Variants in NELL1 observed in about 807,000 individuals in gnomAD.
NELL1 encodes neural EGFL like 1.
Under a neutral mutation model 107.4 loss-of-function variants are expected in NELL1, and 76 were observed. The observed-to-expected ratio is 0.71, with a 90% CI of 0.59 to 0.86. The LOEUF (loss-of-function observed/expected upper bound fraction) is 0.86, where lower values mean the gene tolerates loss of function less well. Among genes scored for constraint, NELL1 ranks in the 40% least tolerant of loss-of-function variants. NELL1 has a pLI of 0.00. For missense variants in NELL1, 1,024 were observed against 1,005.5 expected (o/e 1.02, Z -0.25); for synonymous variants, 353 against 341.2 (o/e 1.03, Z -0.38).
At chr11:21,406,800 C>T (rs187069094) in intron 15 of NELL1, among the ~76,000 whole-genome samples, 7 of 152,028 alleles carry the variant, frequency 4.6e-5, no homozygotes, top group Admixed American at 1.3e-4. Flanking sequence ...TATCCCTCAC[C>T]TCAAATATGT....
intron 15 of NELL1, among the ~76,000 whole-genome samples, chr11:21,427,394 A>G (rs1241968153): frequency 2.6e-5 from 4 of 152,214 alleles, no homozygotes; most frequent in South Asian, 2.1e-4. Context: ...TCTTTGTTGT[A>G]TATTTGCTGA....
At chr11:21,329,079 A>G (rs1470061744) in intron 14 of NELL1, among the ~76,000 whole-genome samples, 2 of 152,166 alleles carry the variant, frequency 1.3e-5, no homozygotes, top group Non-Finnish European at 2.9e-5. Context: ...GTTACAAAAC[A>G]TGAGAACTTG....
rs935776121 is a variant in NELL1, at chr11:21,112,525, C to T, written c.1301-1064C>T. ...TTCTGAATTCAAATCCCAGGTCTAGCGTGTTCTAACAGGATGACTTTATGC... is the reference window on the plus strand; with the variant it reads ...TTCTGAATTCAAATCCCAGGTCTAGTGTGTTCTAACAGGATGACTTTATGC... On this transcript the variant is annotated intron_variant, in intron 12 of 19. Coordinates refer to ENST00000357134, the MANE Select transcript of NELL1 (RefSeq NM_006157.5). Among the ~76,000 whole-genome samples the T allele has an allele frequency of 2.0e-5, 3 of 151,910 alleles. No individual in the cohort carries two copies. In the East Asian group the frequency reaches 5.8e-4, roughly 29 times the overall value.
rs1337491294 is a variant in NELL1, at chr11:20,755,559, T to TTTTTTTA, written c.185-28119_185-28118insTTTTATT. ...GTTTTTGTTTTTTTTTGTTTTTGTT[T>TTTTTTTA]TTGTTTTTTTTTTTTTGAGACAGAA... On this transcript the variant is annotated intron_variant, in intron 2 of 19. Transcript: ENST00000357134. Among the ~76,000 whole-genome samples, 22 of 17,678 alleles carry TTTTTTTA rather than the reference T, an allele frequency of 1.2e-3. No individual in the cohort carries two copies. The East Asian group carries it at 0.026, about 21-fold the overall frequency. The allele number at this position is 17,678 out of a possible 152,430, so 11.6% of individuals were successfully genotyped here.
chr11:20,692,834 G>T (rs1247841842), intron 2 of NELL1, among the ~76,000 whole-genome samples: 3 of 151,990 alleles, frequency 2.0e-5, no homozygotes, highest in African/African-American at 4.8e-5. Context: ...CAATTCCCGG[G>T]TATACTTGTT....
intron 12 of NELL1, among the ~76,000 whole-genome samples, chr11:20,973,152 A>G (rs1489041559): frequency 1.7e-5 from 2 of 120,090 alleles, no homozygotes; most frequent in Non-Finnish European, 3.2e-5. Context: ...CTTGTTGCCC[A>G]GGCTGGAGTG....
At chr11:20,902,188 A>G (rs1377769845) in intron 5 of NELL1, among the ~76,000 whole-genome samples, 3 of 152,088 alleles carry the variant, frequency 2.0e-5, no homozygotes, top group Non-Finnish European at 4.4e-5. Context: ...AATTCTAAAA[A>G]GTGTGACAAT....
chr11:20,828,109 G>A (rs1857924300), intron 3 of NELL1, among the ~76,000 whole-genome samples: 1 of 151,238 alleles, frequency 6.6e-6, no homozygotes, highest in Non-Finnish European at 1.5e-5. Flanking sequence ...CTTACTGGTT[G>A]TATTTTCTTG....
chr11:20,916,478 G>A (rs968483709), intron 5 of NELL1, among the ~76,000 whole-genome samples: 1 of 151,944 alleles, frequency 6.6e-6, no homozygotes, highest in Non-Finnish European at 1.5e-5. Flanking sequence ...GTTTTGGAAA[G>A]GTATTTAACA....
intron 2 of NELL1, among the ~76,000 whole-genome samples, chr11:20,692,227 A>G (rs1279884667): frequency 6.6e-6 from 1 of 151,824 alleles, no homozygotes; most frequent in Non-Finnish European, 1.5e-5. Context: ...GATCCTTTCA[A>G]AAAACCAGCT....
intron 5 of NELL1, among the ~76,000 whole-genome samples, chr11:20,910,191 C>T (rs369335747): frequency 6.6e-5 from 10 of 152,256 alleles, no homozygotes; most frequent in African/African-American, 2.4e-4. Flanking sequence ...ATCTAACAGG[C>T]CAGCCTGGGC....
At chr11:20,953,601 G>A (rs559938379) in intron 11 of NELL1, among the ~76,000 whole-genome samples, 5 of 152,228 alleles carry the variant, frequency 3.3e-5, no homozygotes, top group East Asian at 1.9e-4. Context: ...AACAGAGCTC[G>A]ATACAGGACC....
At chr11:21,259,467 T>C (rs535143429) in intron 14 of NELL1, among the ~76,000 whole-genome samples, 29 of 151,998 alleles carry the variant, frequency 1.9e-4, no homozygotes, top group African/African-American at 6.3e-4. Context: ...ATACAATTTT[T>C]CAGCCTTTTG....
At chr11:21,152,759 T>C (rs1466726295) in intron 13 of NELL1, among the ~76,000 whole-genome samples, 1 of 152,188 alleles carries the variant, frequency 6.6e-6, no homozygotes, top group Non-Finnish European at 1.5e-5. Flanking sequence ...ATTTTTTTTC[T>C]TTCTAAGAAT....
intron 15 of NELL1, among the ~76,000 whole-genome samples, chr11:21,419,816 A>T (rs891445022): frequency 2.0e-5 from 3 of 152,146 alleles, no homozygotes; most frequent in African/African-American, 7.2e-5. Context: ...GTTTAGGAGA[A>T]ATTTGTCTTT....
intron 15 of NELL1, among the ~76,000 whole-genome samples, chr11:21,387,010 T>C (rs1851762424): frequency 6.6e-6 from 1 of 151,932 alleles, no homozygotes; most frequent in East Asian, 2.0e-4. Context: ...CCAACATCCT[T>C]CACCCCACAT....
At chr11:20,710,380 A>T (rs992744628) in intron 2 of NELL1, among the ~76,000 whole-genome samples, 1 of 152,220 alleles carries the variant, frequency 6.6e-6, no homozygotes, top group Non-Finnish European at 1.5e-5. Context: ...CCATCCCTCC[A>T]TCCCTGGTAT....
At chr11:21,092,777 G>C (rs1854550907) in intron 12 of NELL1, among the ~76,000 whole-genome samples, 1 of 152,186 alleles carries the variant, frequency 6.6e-6, no homozygotes, top group Admixed American at 6.5e-5. Context: ...CTTATCTATG[G>C]TTAATATTAT....
At chr11:21,277,990 T>G (rs1006516740) in intron 14 of NELL1, among the ~76,000 whole-genome samples, 3 of 152,048 alleles carry the variant, frequency 2.0e-5, no homozygotes, top group Admixed American at 2.0e-4. Flanking sequence ...ATGGCACATG[T>G]ATGCATATGT....
Sources: gnomAD v4.1 joint callset for allele counts (sites outside exome capture counted in the v4.1 genomes callset) on GRCh38, gnomAD v4.1.1 for gene constraint, MANE v1.5 for transcripts, NCBI Gene and HGNC (gene_info 2026-07-23, HGNC 2026-07-21) for gene names.